CERKL: variants seen among roughly 807,000 people sequenced by gnomAD.
CERKL encodes ceramide kinase-like protein.
In CERKL, 61 loss-of-function variants were observed where a neutral mutation model predicts 63.4. The observed-to-expected ratio is 0.96, with a 90% CI of 0.78 to 1.19. The LOEUF (loss-of-function observed/expected upper bound fraction) is 1.19, where lower values mean the gene tolerates loss of function less well. Among genes scored for constraint, CERKL ranks in the 50% most tolerant of loss-of-function variants. The pLI is 0.00. For synonymous variants in CERKL, 250 were observed against 230.5 expected, an observed-to-expected ratio of 1.08 and a Z score of -0.77; for missense variants, 675 against 655.5, an observed-to-expected ratio of 1.03 and a Z score of -0.33.
In CERKL at chr2:181,539,130, A is replaced by G. The variant is rs141656965; in HGVS notation, c.1500T>C (p.Asp500=). The change falls in exon 12 of 13, where the codon GAT becomes GAC. Residue 500 remains aspartate (D), a synonymous_variant. Coordinates refer to ENST00000410087, the MANE Select transcript of CERKL (RefSeq NM_201548.5). ...ASENCFPWNV[D]GDLMEVASEV... ...CTGATGCAACTTCCATTAAGTCACC[A>G]TCTACATTCCAAGGGAAACAATTTT... 212 of 1,608,248 alleles carry G rather than the reference A, an allele frequency of 1.3e-4. No homozygotes were observed. The highest frequency in any genetic ancestry group is 1.7e-4 in the Non-Finnish European group (205 of 1,174,986).
At chr2:181,547,048 T>G (rs952979673) in intron 10 of CERKL, among the ~76,000 whole-genome samples, 2 of 152,088 alleles carry the variant, frequency 1.3e-5, no homozygotes, top group Non-Finnish European at 2.9e-5. Context: ...AATAGGAGTT[T>G]CCCTGCACAA....
At chr2:181,539,446 C>CT (rs756139596) in intron 11 of CERKL, among the ~76,000 whole-genome samples, 182 bp from the exon 12 acceptor site, 54 of 152,060 alleles carry the variant, frequency 3.6e-4, no homozygotes, top group Non-Finnish European at 6.9e-4. Context: ...TATCCAAAGC[C>CT]TTTTGGGTTC....
chr2:181,621,441 A>G (rs1191723609), intron 1 of CERKL, among the ~76,000 whole-genome samples: 3 of 152,204 alleles, frequency 2.0e-5, no homozygotes, highest in Non-Finnish European at 4.4e-5. Flanking sequence ...TGGAGTAGAA[A>G]TTAGAGGAAG....
rs186404734 is a variant in CERKL at position 181,586,304 on chromosome 2, A to G, written c.482-12420T>C. 3.5e-3 allele frequency among the ~76,000 whole-genome samples: 531 copies of G among 152,320 alleles called. 9 individuals carry two copies. The highest frequency in any genetic ancestry group is 0.011 in the African/African-American group (463 of 41,580). ...GACTTATGTAAAGTCATTAGGTACA[A>G]ATAACTCTCTGGAAAACATTTTTAA... On this transcript the variant is annotated intron_variant, in intron 2 of 12. Coordinates refer to ENST00000410087, the MANE Select transcript of CERKL (RefSeq NM_201548.5).
rs201654650 is a variant in CERKL, at chr2:181,537,032, G to C, written c.*1152C>G. On this transcript the variant is annotated 3_prime_UTR_variant, in exon 13 of 13. Coordinates refer to ENST00000410087, the MANE Select transcript of CERKL (RefSeq NM_201548.5). The stretch of plus-strand genomic sequence containing the variant: ...TGGTGAGGAATGTTCTGAGATTTGC[G>C]AAGGCATTTGAGTAGTGAAATGTAA... 12 of 444,074 alleles carry C rather than the reference G, an allele frequency of 2.7e-5. No individual in the cohort carries two copies. The Middle Eastern group carries it at 2.2e-3, about 81-fold the overall frequency. 27.5% of individuals were successfully genotyped at this position (444,074 alleles called of 1,614,324 possible).
chr2:181,581,866 TC>T (rs1282537387), intron 2 of CERKL, among the ~76,000 whole-genome samples: 2 of 152,162 alleles, frequency 1.3e-5, no homozygotes, highest in Non-Finnish European at 2.9e-5. Context: ...ATTTCTCCCA[TC>T]CCTGCACCAG....
chr2:181,617,962 T>C (rs1686272666), intron 1 of CERKL, among the ~76,000 whole-genome samples: 1 of 152,212 alleles, frequency 6.6e-6, no homozygotes. Flanking sequence ...CACAACAGAC[T>C]GGATGAAGAA....
At position 181,537,091 on chromosome 2, in the gene CERKL, A is replaced by G. The variant is rs1003410975; in HGVS notation, c.*1093T>C. 6.6e-6 allele frequency: 3 copies of G among 451,638 alleles called. No individual in the cohort carries two copies. Among genetic ancestry groups the G allele is most frequent in the Non-Finnish European group, 1.3e-5 (3 of 225,862 alleles). The allele number at this position is 451,638 out of a possible 1,614,324, so 28.0% of individuals were successfully genotyped here. A position where few individuals can be genotyped will look rare whatever the true frequency, so the allele number is the denominator to read the frequency against. ...CCTCCTGAACCCAGAGTGTGTATACACAGGAATAAACTTTATGACATTTAT... is the reference window on the plus strand; with the variant it reads ...CCTCCTGAACCCAGAGTGTGTATACGCAGGAATAAACTTTATGACATTTAT... On this transcript the variant is annotated 3_prime_UTR_variant, in exon 13 of 13. Transcript: ENST00000410087.
At chr2:181,647,945 A>C (rs750712313) in intron 1 of CERKL, among the ~76,000 whole-genome samples, 3 of 152,140 alleles carry the variant, frequency 2.0e-5, no homozygotes, top group Non-Finnish European at 2.9e-5. Flanking sequence ...TAAAAGACAC[A>C]ATCGAGAGCT....
chr2:181,565,702 G>C (rs974929384), intron 4 of CERKL, among the ~76,000 whole-genome samples: 1 of 152,098 alleles, frequency 6.6e-6, no homozygotes, highest in Non-Finnish European at 1.5e-5. Context: ...TCATCATATA[G>C]TTATGCCATG....
intron 2 of CERKL, among the ~76,000 whole-genome samples, chr2:181,598,520 CCT>C (rs1235557436): frequency 6.6e-6 from 1 of 152,096 alleles, no homozygotes. Context: ...CTGTCACTCC[CCT>C]GTCAGGACAG....
intron 1 of CERKL, among the ~76,000 whole-genome samples, chr2:181,607,014 T>C (rs1685746680): frequency 6.6e-6 from 1 of 152,180 alleles, no homozygotes; most frequent in Non-Finnish European, 1.5e-5. Context: ...GGGCCGCAAA[T>C]AACTTTGGTT....
At chr2:181,578,252 G>A (rs1452099322) in intron 2 of CERKL, among the ~76,000 whole-genome samples, 2 of 127,840 alleles carry the variant, frequency 1.6e-5, no homozygotes, top group African/African-American at 3.1e-5. Flanking sequence ...GTATATATAT[G>A]TGTGTGGGGG....
chr2:181,574,917 C>T (rs989598504), intron 2 of CERKL, among the ~76,000 whole-genome samples: 10 of 152,042 alleles, frequency 6.6e-5, no homozygotes, highest in Admixed American at 2.0e-4. Context: ...GAGTTTTAGA[C>T]GAGGAAGAGA....
intron 5 of CERKL, among the ~76,000 whole-genome samples, chr2:181,557,033 A>T (rs989665373): frequency 6.6e-6 from 1 of 152,184 alleles, no homozygotes; most frequent in African/African-American, 2.4e-5. Context: ...TTGGCTGCAT[A>T]AATGTCTTCT....
At position 181,536,814 on chromosome 2, in the gene CERKL, C is replaced by A; in HGVS notation, c.*1370G>T. 1 of 311,208 alleles carries A rather than the reference C, an allele frequency of 3.2e-6. No individual in the cohort carries two copies. The highest frequency in any genetic ancestry group is 2.8e-5 in the South Asian group (1 of 35,560). The allele number at this position is 311,208 out of a possible 1,614,324, so 19.3% of individuals were successfully genotyped here. On this transcript the variant is annotated 3_prime_UTR_variant, in exon 13 of 13. Coordinates refer to ENST00000410087, the MANE Select transcript of CERKL (RefSeq NM_201548.5). The stretch of plus-strand genomic sequence containing the variant: ...TTTATGCTTATGATCTAGATAATTG[C>A]AGAATATCATTTTATCTGACTCTGC...
Position 181,536,851 on chromosome 2 carries a change from A to C in CERKL, c.*1333T>G, listed in dbSNP as rs1315665769. 2 of 425,518 alleles carry C rather than the reference A, an allele frequency of 4.7e-6. No homozygotes were observed. The highest frequency in any genetic ancestry group is 9.4e-6 in the Non-Finnish European group (2 of 212,836). 26.4% of individuals were successfully genotyped at this position (425,518 alleles called of 1,614,324 possible). On this transcript the variant is annotated 3_prime_UTR_variant, in exon 13 of 13. Coordinates refer to ENST00000410087, the MANE Select transcript of CERKL (RefSeq NM_201548.5). ...TTATCTGACTCTGCCTTCATAAGAG[A>C]GCTGTGGCCGAATTTTGAACATCTG...
intron 1 of CERKL, among the ~76,000 whole-genome samples, chr2:181,650,920 T>A (rs1687906273): frequency 6.6e-6 from 1 of 152,180 alleles, no homozygotes; most frequent in African/African-American, 2.4e-5. Flanking sequence ...ACAAGTTTCA[T>A]CAAATTTGAT....
intron 2 of CERKL, among the ~76,000 whole-genome samples, chr2:181,591,619 C>T (rs1440409688): frequency 1.3e-5 from 2 of 152,106 alleles, no homozygotes; most frequent in Non-Finnish European, 1.5e-5. Context: ...AGTTTTTATA[C>T]ATCATACGAT....
Sources: allele counts gnomAD v4.1 joint callset (sites outside exome capture counted in the v4.1 genomes callset), GRCh38; gene constraint gnomAD v4.1.1; transcripts MANE v1.5; gene names NCBI Gene and HGNC (gene_info 2026-07-23, HGNC 2026-07-21).